The following SYT16 variants were observed in gnomAD, a reference collection of about 807,000 sequenced individuals.
The protein encoded by SYT16 is synaptotagmin-16.
SYT16 carries 42 observed loss-of-function variants against 61.4 expected under a neutral mutation model. That is an observed-to-expected ratio of 0.68 (90% CI 0.53 to 0.89). The LOEUF (loss-of-function observed/expected upper bound fraction) is 0.89, where lower values mean the gene tolerates loss of function less well. Among genes scored for constraint, SYT16 ranks in the 40% least tolerant of loss-of-function variants. The pLI, the probability that SYT16 is intolerant of heterozygous loss-of-function variation, is 0.00. For synonymous variants in SYT16, 314 were observed against 302.3 expected, an observed-to-expected ratio of 1.04 and a Z score of -0.40; for missense variants, 804 against 807.3, an observed-to-expected ratio of 1.00 and a Z score of 0.05.
chr14:62,069,441 T>C, intron 3 of SYT16, 162 bp from the exon 4 acceptor site: 1 of 650,668 alleles, frequency 1.5e-6, no homozygotes, highest in Non-Finnish European at 2.7e-6. Context: ...GGACTCAAAT[T>C]TGTGTTGCAA....
chr14:62,017,547 C>G (rs1220459659), intron 3 of SYT16, among the ~76,000 whole-genome samples: 2 of 152,128 alleles, frequency 1.3e-5, no homozygotes, highest in African/African-American at 4.8e-5. Context: ...CTTCATTCTT[C>G]TAGTTTCTCA....
At chr14:61,901,961 T>C (rs217649) in intron 1 of SYT16, among the ~76,000 whole-genome samples, 141,709 of 152,010 alleles carry the variant, frequency 0.93, 66,183 homozygotes, top group East Asian at 0.98. Context: ...AAGGTTTCGC[T>C]ATGTTGGCCA....
chr14:61,835,229 ATGT>A (rs997590116), intron 1 of SYT16, among the ~76,000 whole-genome samples: 5 of 149,662 alleles, frequency 3.3e-5, no homozygotes, highest in Admixed American at 1.3e-4. Flanking sequence ...TACACTGTAA[ATGT>A]TGTCTCATGA....
intron 2 of SYT16, among the ~76,000 whole-genome samples, chr14:61,979,449 G>A (rs758482109): frequency 1.2e-4 from 18 of 152,154 alleles, no homozygotes; most frequent in African/African-American, 4.3e-4. Flanking sequence ...TGTACCCAGA[G>A]TCTAGGTTCC....
intron 3 of SYT16, among the ~76,000 whole-genome samples, chr14:62,053,562 C>T (rs2055406855): frequency 6.6e-6 from 1 of 152,150 alleles, no homozygotes; most frequent in Admixed American, 6.5e-5. Context: ...CTCTGCAGAA[C>T]CCTAATACAG....
At chr14:62,093,891 G>C (rs2057178253) in intron 7 of SYT16, among the ~76,000 whole-genome samples, 1 of 152,002 alleles carries the variant, frequency 6.6e-6, no homozygotes, top group Admixed American at 6.6e-5. Flanking sequence ...CACAGCAAAA[G>C]CTTATTTCTC....
At chr14:61,938,729 A>G (rs1042719996) in intron 1 of SYT16, among the ~76,000 whole-genome samples, 2 of 152,228 alleles carry the variant, frequency 1.3e-5, no homozygotes, top group African/African-American at 4.8e-5. Flanking sequence ...TGGTTAAAAA[A>G]CAGGTGAAGA....
chr14:61,859,021 ATTT>A (rs60251753), intron 1 of SYT16, among the ~76,000 whole-genome samples: 23,278 of 145,962 alleles, frequency 0.16, 2,094 homozygotes, highest in African/African-American at 0.26. Flanking sequence ...CGCCCGGCTA[ATTT>A]TTTTTTTTGT....
intron 3 of SYT16, among the ~76,000 whole-genome samples, chr14:62,036,499 C>G (rs933840099): frequency 2.6e-5 from 4 of 152,096 alleles, no homozygotes; most frequent in Non-Finnish European, 5.9e-5. Flanking sequence ...AGCATATGGA[C>G]TCAGTGTGCT....
chr14:61,876,166 A>C (rs140070981), intron 1 of SYT16, among the ~76,000 whole-genome samples: 52 of 152,340 alleles, frequency 3.4e-4, no homozygotes, highest in Non-Finnish European at 6.8e-4. Flanking sequence ...ATGCAGGTTG[A>C]TAATGGAAAA....
At chr14:62,052,683 A>G (rs1314716359) in intron 3 of SYT16, among the ~76,000 whole-genome samples, 1 of 152,194 alleles carries the variant, frequency 6.6e-6, no homozygotes, top group African/African-American at 2.4e-5. Context: ...GTGTTTGGGA[A>G]TTAATTAGGT....
chr14:61,981,984 A>G (rs996913487), intron 2 of SYT16, among the ~76,000 whole-genome samples: 3 of 152,194 alleles, frequency 2.0e-5, no homozygotes, highest in Non-Finnish European at 4.4e-5. Flanking sequence ...AGAGCTCCCT[A>G]AACATACATC....
intron 6 of SYT16, among the ~76,000 whole-genome samples, chr14:62,083,936 C>A (rs747226721): frequency 2.0e-5 from 3 of 152,144 alleles, no homozygotes; most frequent in African/African-American, 7.2e-5. Context: ...CTAGTAATAA[C>A]GTCTTTGTCC....
At chr14:62,025,132 C>A (rs1360654335) in intron 3 of SYT16, among the ~76,000 whole-genome samples, 1 of 152,052 alleles carries the variant, frequency 6.6e-6, no homozygotes, top group Non-Finnish European at 1.5e-5. Flanking sequence ...GTTTTCAATT[C>A]TTTTGGACAA....
At chr14:62,045,158 A>T (rs149835676) in intron 3 of SYT16, among the ~76,000 whole-genome samples, 13,946 of 151,968 alleles carry the variant, frequency 0.092, 693 homozygotes, top group East Asian at 0.12. Context: ...ATAAATAAAT[A>T]AATAAAATAA....
rs1311665533 is a variant in SYT16 at position 62,109,156 on chromosome 14, C to G, written c.*8449C>G. 2 of 152,182 alleles carry G rather than the reference C, an allele frequency of 1.3e-5. No individual in the cohort carries two copies. 9.4% of individuals were successfully genotyped at this position (152,182 alleles called of 1,614,324 possible). A position where few individuals can be genotyped will look rare whatever the true frequency, so the allele number is the denominator to read the frequency against. On this transcript the variant is annotated 3_prime_UTR_variant, in exon 8 of 8. Coordinates refer to ENST00000683842, the MANE Select transcript of SYT16 (RefSeq NM_001367656.1). ...TATCATACAGAAGATTTTCACTGCC[C>G]TAAAAATCCTCTGTGCTCTGCCTAT... is the stretch of plus-strand genomic sequence containing the variant.
At chr14:61,895,280 C>T (rs1307706983) in intron 1 of SYT16, among the ~76,000 whole-genome samples, 1 of 152,076 alleles carries the variant, frequency 6.6e-6, no homozygotes, top group Non-Finnish European at 1.5e-5. Flanking sequence ...AAAGTTCTTC[C>T]TCTAATGCTG....
At chr14:62,067,395 C>G (rs1360267898) in intron 3 of SYT16, among the ~76,000 whole-genome samples, 1 of 151,992 alleles carries the variant, frequency 6.6e-6, no homozygotes, top group Non-Finnish European at 1.5e-5. Context: ...AAGCTGAGAC[C>G]TGCGATGTGA....
intron 2 of SYT16, among the ~76,000 whole-genome samples, chr14:61,994,236 C>T (rs1335976912): frequency 6.6e-6 from 1 of 152,146 alleles, no homozygotes; most frequent in Non-Finnish European, 1.5e-5. Flanking sequence ...ACGCTTGTAG[C>T]AAAGTGATAC....
Sources: gnomAD v4.1 joint callset for allele counts (sites outside exome capture counted in the v4.1 genomes callset) on GRCh38, gnomAD v4.1.1 for gene constraint, MANE v1.5 for transcripts, NCBI Gene and HGNC (gene_info 2026-07-23, HGNC 2026-07-21) for gene names.